SCHIP1: variants seen among roughly 807,000 people sequenced by gnomAD.
SCHIP1 encodes schwannomin interacting protein 1.
A neutral mutation model predicts 29.7 loss-of-function variants in SCHIP1; 8 were observed. The ratio of observed to expected loss-of-function variants is 0.27; its 90% CI spans 0.16 to 0.49. The LOEUF is 0.49. Among genes scored for constraint, SCHIP1 ranks in the 20% least tolerant of loss-of-function variants. The pLI is 0.99. For missense variants in SCHIP1, 193 were observed against 294.6 expected, an observed-to-expected ratio of 0.66 and a Z score of 2.52; for synonymous variants, 76 against 94.9, an observed-to-expected ratio of 0.80 and a Z score of 1.16.
At chr3:159,630,216 A>T in the SCHIP1 span, among the ~76,000 whole-genome samples, 1 of 152,216 alleles carries the variant, frequency 6.6e-6, no homozygotes, top group Admixed American at 6.5e-5. Context: ...GCTCAATCTG[A>T]TGAAAGAAAA....
the SCHIP1 span, among the ~76,000 whole-genome samples, chr3:159,665,472 G>A: frequency 6.6e-6 from 1 of 152,012 alleles, no homozygotes; most frequent in Admixed American, 6.6e-5. Flanking sequence ...ACGAGCCCCT[G>A]TTCCCATTTC....
the SCHIP1 span, among the ~76,000 whole-genome samples, chr3:159,688,833 A>G: frequency 6.6e-6 from 1 of 152,184 alleles, no homozygotes; most frequent in Admixed American, 6.5e-5. Context: ...CAGTTTTCCC[A>G]ACATCATTTA....
chr3:159,828,872 C>T, the SCHIP1 span, among the ~76,000 whole-genome samples: 1 of 152,202 alleles, frequency 6.6e-6, no homozygotes, highest in Non-Finnish European at 1.5e-5. Flanking sequence ...CACGCATGCA[C>T]ACAAACTTTG....
the SCHIP1 span, among the ~76,000 whole-genome samples, chr3:159,711,046 A>G: frequency 6.6e-6 from 1 of 152,172 alleles, no homozygotes; most frequent in African/African-American, 2.4e-5. Flanking sequence ...AGTTTCCTCA[A>G]CAACACCCTT....
chr3:159,739,854 A>C, the SCHIP1 span, among the ~76,000 whole-genome samples: 1 of 152,268 alleles, frequency 6.6e-6, no homozygotes. Flanking sequence ...GCCTAATTAC[A>C]TGAACAACTG....
the SCHIP1 span, among the ~76,000 whole-genome samples, chr3:159,314,211 C>A: frequency 1.3e-5 from 2 of 152,188 alleles, no homozygotes; most frequent in African/African-American, 4.8e-5. Flanking sequence ...CCTCAGCATT[C>A]TGATGGGTAG....
chr3:159,807,326 T>G, the SCHIP1 span, among the ~76,000 whole-genome samples: 2 of 152,170 alleles, frequency 1.3e-5, no homozygotes, highest in Non-Finnish European at 2.9e-5. Flanking sequence ...GTCACACTGA[T>G]GTATGAATAA....
chr3:159,798,521 G>A, the SCHIP1 span, among the ~76,000 whole-genome samples: 11 of 152,200 alleles, frequency 7.2e-5, no homozygotes, highest in Admixed American at 3.9e-4. Context: ...ATTTTGGAAG[G>A]CAGAAGCGGG....
At chr3:159,705,700 T>TTCTG in the SCHIP1 span, among the ~76,000 whole-genome samples, 1 of 151,530 alleles carries the variant, frequency 6.6e-6, no homozygotes, top group Admixed American at 6.6e-5. Flanking sequence ...AGGATATGAC[T>TTCTG]TTTGTTTGTT....
chr3:159,523,517 G>T, the SCHIP1 span, among the ~76,000 whole-genome samples: 1 of 152,136 alleles, frequency 6.6e-6, no homozygotes, highest in Non-Finnish European at 1.5e-5. Context: ...ATTAAAATAG[G>T]GAAAGAGGAA....
At chr3:159,781,356 A>G in the SCHIP1 span, among the ~76,000 whole-genome samples, 2 of 152,084 alleles carry the variant, frequency 1.3e-5, no homozygotes, top group Admixed American at 1.3e-4. Context: ...TTGTATTTTT[A>G]GTAGAGATGG....
chr3:159,361,013 T>C, the SCHIP1 span, among the ~76,000 whole-genome samples: 1 of 152,176 alleles, frequency 6.6e-6, no homozygotes, highest in Non-Finnish European at 1.5e-5. Context: ...ACATGAACAA[T>C]GTGCCAGACA....
chr3:159,769,494 A>C, the SCHIP1 span, among the ~76,000 whole-genome samples: 147 of 152,290 alleles, frequency 9.7e-4, no homozygotes, highest in African/African-American at 3.4e-3. Context: ...TCAGGCCTGT[A>C]ATCCCAGCAC....
the SCHIP1 span, among the ~76,000 whole-genome samples, chr3:159,640,708 G>A: frequency 6.6e-6 from 1 of 152,128 alleles, no homozygotes; most frequent in Non-Finnish European, 1.5e-5. Context: ...GATATGCAGA[G>A]AGGCTGTCTC....
the SCHIP1 span, among the ~76,000 whole-genome samples, chr3:159,609,865 A>G: frequency 9.2e-5 from 14 of 152,172 alleles, no homozygotes; most frequent in African/African-American, 3.1e-4. Flanking sequence ...GCGATGGAAA[A>G]CCACAGCAAG....
the SCHIP1 span, among the ~76,000 whole-genome samples, chr3:159,453,135 A>G: frequency 6.6e-6 from 1 of 152,212 alleles, no homozygotes; most frequent in Non-Finnish European, 1.5e-5. Flanking sequence ...GGGTTTCCCA[A>G]CCAATTGTAG....
the SCHIP1 span, among the ~76,000 whole-genome samples, chr3:159,662,619 G>GA: frequency 6.6e-6 from 1 of 152,096 alleles, no homozygotes; most frequent in African/African-American, 2.4e-5. Flanking sequence ...TTCTTGGGGG[G>GA]AAAGAACAAG....
At chr3:159,664,973 A>T in the SCHIP1 span, among the ~76,000 whole-genome samples, 1 of 152,238 alleles carries the variant, frequency 6.6e-6, no homozygotes, top group Admixed American at 6.5e-5. Context: ...CCTCTGAGTG[A>T]TTCTAATGCT....
chr3:159,644,316 T>C, the SCHIP1 span, among the ~76,000 whole-genome samples: 1 of 152,174 alleles, frequency 6.6e-6, no homozygotes, highest in African/African-American at 2.4e-5. Flanking sequence ...TTTTGCTTGC[T>C]TTGACCCATT....
Sources: allele counts gnomAD v4.1 joint callset (sites outside exome capture counted in the v4.1 genomes callset), GRCh38; gene constraint gnomAD v4.1.1; transcripts MANE v1.5; gene names NCBI Gene and HGNC (gene_info 2026-07-23, HGNC 2026-07-21).